The following CNTNAP2 variants were observed in gnomAD, a reference collection of about 807,000 sequenced individuals.
CNTNAP2 encodes contactin associated protein 2.
Under a neutral mutation model 155.2 loss-of-function variants are expected in CNTNAP2, and 98 were observed. The ratio of observed to expected loss-of-function variants is 0.63; its 90% CI spans 0.54 to 0.75. CNTNAP2 has a LOEUF of 0.75. Ranked by LOEUF, CNTNAP2 falls within the 30% of genes least tolerant of loss-of-function variation. The probability of loss-of-function intolerance (pLI) is 0.00; values close to 1 mark genes in which losing one functional copy is unlikely to be tolerated. For synonymous variants in CNTNAP2, 651 were observed against 631.2 expected (o/e 1.03, Z -0.47); for missense variants, 1,727 against 1,688.1 (o/e 1.02, Z -0.40).
rs538283814 is a variant in CNTNAP2, at chr7:146,474,872, A to C, written c.98-299399A>C. ...CTTCTCATCTCTACTTATCACTGTA[A>C]CCAGAGGGCCAGGTTTAAGACTTAA... On this transcript the variant is annotated intron_variant, in intron 1 of 23. Coordinates refer to ENST00000361727, the MANE Select transcript of CNTNAP2 (RefSeq NM_014141.6). Among the ~76,000 whole-genome samples, 9 of 152,280 alleles carry C rather than the reference A, an allele frequency of 5.9e-5. 1 individual carries two copies. In the South Asian group the frequency reaches 1.9e-3, roughly 32 times the overall value.
At chr7:148,381,110 G>A (rs1169961081) in intron 21 of CNTNAP2, among the ~76,000 whole-genome samples, 1 of 152,262 alleles carries the variant, frequency 6.6e-6, no homozygotes, top group Non-Finnish European at 1.5e-5. Context: ...CAACAGGAGT[G>A]AACTCTGTGC....
chr7:146,866,723 A>G (rs536259364), intron 3 of CNTNAP2, among the ~76,000 whole-genome samples: 80 of 152,238 alleles, frequency 5.3e-4, no homozygotes, highest in African/African-American at 1.9e-3. Flanking sequence ...TTTCTTAAAT[A>G]TGTCTTGAAT....
At chr7:147,456,597 G>A (rs150096105) in intron 10 of CNTNAP2, among the ~76,000 whole-genome samples, 59 of 152,174 alleles carry the variant, frequency 3.9e-4, no homozygotes, top group Middle Eastern at 6.8e-3. Flanking sequence ...AAAGGAAAGA[G>A]GAAACATCTC....
rs147919154 is a variant in CNTNAP2 at position 147,968,001 on chromosome 7, A to G, written c.2256-9861A>G. ...TTTTCATCTCTCTCCATTGATAGTT[A>G]AGTACATACGGGTAGCTATTTTAGA... On this transcript the variant is annotated intron_variant, in intron 14 of 23. Coordinates refer to ENST00000361727, the MANE Select transcript of CNTNAP2 (RefSeq NM_014141.6). Among the ~76,000 whole-genome samples, 375 of 152,308 alleles carry G rather than the reference A, an allele frequency of 2.5e-3. 1 individual carries two copies. The highest frequency in any genetic ancestry group is 8.9e-3 in the African/African-American group (368 of 41,554).
chr7:147,782,085 G>C (rs2116556973), intron 13 of CNTNAP2, among the ~76,000 whole-genome samples: 1 of 151,900 alleles, frequency 6.6e-6, no homozygotes, highest in East Asian at 1.9e-4. Context: ...TCTCTAAAGG[G>C]GGCCAGGATG....
At chr7:147,703,916 G>C (rs1241882245) in intron 13 of CNTNAP2, among the ~76,000 whole-genome samples, 1 of 152,056 alleles carries the variant, frequency 6.6e-6, no homozygotes, top group African/African-American at 2.4e-5. Flanking sequence ...ACCTCCATGA[G>C]GTCGATTTTT....
intron 1 of CNTNAP2, among the ~76,000 whole-genome samples, chr7:146,163,960 A>G (rs978972174): frequency 1.3e-5 from 2 of 152,132 alleles, no homozygotes; most frequent in African/African-American, 2.4e-5. Context: ...CTTTTACCCC[A>G]GCCTGTGACA....
chr7:146,475,007 G>GCA (rs1322641128), intron 1 of CNTNAP2, among the ~76,000 whole-genome samples: 2 of 128,086 alleles, frequency 1.6e-5, no homozygotes, highest in Non-Finnish European at 3.3e-5. Context: ...GCACGCGCGC[G>GCA]CGCGCGCACA....
intron 13 of CNTNAP2, among the ~76,000 whole-genome samples, chr7:147,779,735 T>C (rs1414063563): frequency 1.3e-5 from 2 of 152,194 alleles, no homozygotes; most frequent in Non-Finnish European, 2.9e-5. Context: ...TAATATGTTT[T>C]GAAAAATGTG....
chr7:146,349,658 G>C (rs1467520095), intron 1 of CNTNAP2, among the ~76,000 whole-genome samples: 1 of 152,096 alleles, frequency 6.6e-6, no homozygotes, highest in South Asian at 2.1e-4. Context: ...TTTTAGGGCA[G>C]GCCTGGTGGT....
rs114778024 is a variant in CNTNAP2 at position 146,749,972 on chromosome 7, A to G, written c.98-24299A>G. ...GAAAGGCACAGTTTCTTCATGTTTA[A>G]AGATGAGCCATGGGTTTCCTTTTAT... is the stretch of plus-strand genomic sequence containing the variant. On this transcript the variant is annotated intron_variant, in intron 1 of 23. Coordinates refer to ENST00000361727, the MANE Select transcript of CNTNAP2 (RefSeq NM_014141.6). 5.0e-3 allele frequency among the ~76,000 whole-genome samples: 759 copies of G among 152,284 alleles called. 2 individuals carry two copies. The highest frequency in any genetic ancestry group is 0.016 in the African/African-American group (662 of 41,552).
At chr7:148,232,297 G>A (rs1018571231) in intron 20 of CNTNAP2, among the ~76,000 whole-genome samples, 1 of 152,328 alleles carries the variant, frequency 6.6e-6, no homozygotes, top group Non-Finnish European at 1.5e-5. Context: ...CCTTGCAGAC[G>A]TGGAAGTAAT....
Position 147,621,692 on chromosome 7 carries a change from C to T in CNTNAP2, c.1898-17414C>T, listed in dbSNP as rs1346594277. Among the ~76,000 whole-genome samples the T allele has an allele frequency of 2.0e-5, 3 of 151,932 alleles. No individual in the cohort carries two copies. In the East Asian group the frequency reaches 5.8e-4, roughly 29 times the overall value. On this transcript the variant is annotated intron_variant, in intron 12 of 23. Coordinates refer to ENST00000361727, the MANE Select transcript of CNTNAP2 (RefSeq NM_014141.6). ...TAAATTATACCACCAGAGAAGATCA[C>T]CTTCACTAAAGGAGGACAGGAAGAA...
intron 17 of CNTNAP2, among the ~76,000 whole-genome samples, chr7:148,154,827 CT>C (rs750706386): frequency 1.3e-5 from 2 of 151,944 alleles, no homozygotes; most frequent in Non-Finnish European, 2.9e-5. Context: ...ATCCCAGCTA[CT>C]TGGGAAGCTG....
In CNTNAP2 at chr7:146,182,620, A is replaced by C. The variant is rs142918059; in HGVS notation, c.97+65647A>C. Reference sequence around the variant, plus strand: ...CCATCGCTTCACTTTGGATCTCTGCACAGGATTCTGACAAGCTCTTTCTCC... The same window carrying C: ...CCATCGCTTCACTTTGGATCTCTGCCCAGGATTCTGACAAGCTCTTTCTCC... On this transcript the variant is annotated intron_variant, in intron 1 of 23. Transcript: ENST00000361727. Among the ~76,000 whole-genome samples, 4 of 152,300 alleles carry C rather than the reference A, an allele frequency of 2.6e-5. No individual in the cohort carries two copies. In the East Asian group the frequency reaches 5.8e-4, roughly 22 times the overall value.
chr7:146,895,642 A>G (rs1245650679), intron 3 of CNTNAP2, among the ~76,000 whole-genome samples: 1 of 152,126 alleles, frequency 6.6e-6, no homozygotes, highest in African/African-American at 2.4e-5. Flanking sequence ...ATCACGTGGA[A>G]ATACATAAAA....
chr7:146,133,739 T>G (rs913496449), intron 1 of CNTNAP2, among the ~76,000 whole-genome samples: 19 of 152,208 alleles, frequency 1.2e-4, no homozygotes, highest in Non-Finnish European at 2.4e-4. Context: ...TGTGGCGTTA[T>G]TTCTGCAGGC....
At chr7:147,165,660 G>A (rs1157271778) in intron 8 of CNTNAP2, among the ~76,000 whole-genome samples, 1 of 152,108 alleles carries the variant, frequency 6.6e-6, no homozygotes, top group East Asian at 1.9e-4. Context: ...ATCGATTTTT[G>A]TATAAGGTTC....
chr7:147,025,251 A>G (rs2129248010), intron 3 of CNTNAP2, among the ~76,000 whole-genome samples: 2 of 130,000 alleles, frequency 1.5e-5, no homozygotes, highest in South Asian at 2.9e-4. Flanking sequence ...ATGCCACTGC[A>G]CTCCAGCCCT....
Sources: allele counts gnomAD v4.1 joint callset (sites outside exome capture counted in the v4.1 genomes callset), GRCh38; gene constraint gnomAD v4.1.1; transcripts MANE v1.5; gene names NCBI Gene and HGNC (gene_info 2026-07-23, HGNC 2026-07-21).